Variants in TLE1 observed in about 807,000 individuals in gnomAD.
The protein encoded by TLE1 is TLE family member 1, transcriptional corepressor.
A neutral mutation model predicts 89.8 loss-of-function variants in TLE1; 21 were observed. The observed-to-expected ratio is 0.23, with a 90% confidence interval of 0.17 to 0.34. The LOEUF (loss-of-function observed/expected upper bound fraction) is 0.34. Ranked by LOEUF, TLE1 falls within the 10% of genes least tolerant of loss-of-function variation. The pLI is 1.00. For missense variants in TLE1, 795 were observed against 1,031.2 expected (o/e 0.77, Z 3.14); for synonymous variants, 447 against 407.6 (o/e 1.10, Z -1.16).
At chr9:81,676,317 G>A (rs1201734837) in intron 4 of TLE1, among the ~76,000 whole-genome samples, 1 of 152,152 alleles carries the variant, frequency 6.6e-6, no homozygotes, top group Non-Finnish European at 1.5e-5. Context: ...AACCTAGTCG[G>A]AGCAAGGAAA....
At chr9:81,626,944 C>T (rs1180921830) in intron 8 of TLE1, among the ~76,000 whole-genome samples, 2 of 152,178 alleles carry the variant, frequency 1.3e-5, no homozygotes, top group African/African-American at 2.4e-5. Flanking sequence ...GACCTAATCA[C>T]AGCAAAAACA....
chr9:81,655,404 G>A (rs370530269), intron 4 of TLE1, among the ~76,000 whole-genome samples: 23 of 152,014 alleles, frequency 1.5e-4, no homozygotes, highest in Non-Finnish European at 2.4e-4. Flanking sequence ...CCTTTGCTCC[G>A]CTCCACATCC....
intron 4 of TLE1, among the ~76,000 whole-genome samples, chr9:81,664,386 G>C (rs1831198386): frequency 6.6e-6 from 1 of 152,150 alleles, no homozygotes; most frequent in Admixed American, 6.5e-5. Flanking sequence ...TTGCCAAGAG[G>C]CCTCCTTCAG....
At chr9:81,588,317 T>G (rs1190610315) in intron 16 of TLE1, among the ~76,000 whole-genome samples, 2 of 152,164 alleles carry the variant, frequency 1.3e-5, no homozygotes, top group African/African-American at 2.4e-5. Flanking sequence ...CCTGTTTCCA[T>G]GAGTGAATCA....
At chr9:81,615,944 C>T (rs775736707) in intron 11 of TLE1, 38 bp downstream of exon 11, 5 of 1,610,334 alleles carry the variant, frequency 3.1e-6, no homozygotes, top group Non-Finnish European at 4.2e-6. Flanking sequence ...ATGAAAAATA[C>T]ACTGCCAAAC....
chr9:81,688,243 C>A lies in TLE1; in HGVS notation c.-3G>T. The A allele has an allele frequency of 6.3e-7, 1 of 1,587,384 alleles. No homozygotes were observed. The highest frequency in any genetic ancestry group is 1.1e-5 in the South Asian group (1 of 89,302). ...GGGTGCCGGCTCTGCGGGAACATCG[C>A]TCTGGCGGCGGCCGGGGCTCTGTTC... On this transcript the variant is annotated 5_prime_UTR_variant, in exon 1 of 20. Coordinates refer to ENST00000376499, the MANE Select transcript of TLE1 (RefSeq NM_005077.5).
intron 6 of TLE1, among the ~76,000 whole-genome samples, chr9:81,648,705 TTCAA>T (rs1179237850): frequency 2.6e-5 from 4 of 152,226 alleles, no homozygotes; most frequent in African/African-American, 9.6e-5. Flanking sequence ...TGAAGAGTCT[TTCAA>T]TCAATTATCC....
At chr9:81,634,330 A>G (rs1827097218) in intron 6 of TLE1, 29 bp from the exon 7 acceptor site, 1 of 1,397,106 alleles carries the variant, frequency 7.2e-7, no homozygotes, top group Admixed American at 2.5e-5. Flanking sequence ...AGAGAGAAAA[A>G]GGAGGAGGAG....
chr9:81,684,752 G>A (rs1588272432), intron 4 of TLE1, among the ~76,000 whole-genome samples: 1 of 152,300 alleles, frequency 6.6e-6, no homozygotes, highest in Non-Finnish European at 1.5e-5. Context: ...TTTTTTAAGA[G>A]GCAATCGATT....
intron 4 of TLE1, among the ~76,000 whole-genome samples, chr9:81,665,336 A>T (rs568929773): frequency 6.6e-6 from 1 of 152,218 alleles, no homozygotes; most frequent in Non-Finnish European, 1.5e-5. Flanking sequence ...TGGCTCAACT[A>T]ATCAGAACAC....
At chr9:81,653,450 C>T (rs1455301088) in intron 5 of TLE1, among the ~76,000 whole-genome samples, 1 of 152,172 alleles carries the variant, frequency 6.6e-6, no homozygotes, top group African/African-American at 2.4e-5. Flanking sequence ...AAGATTAAAC[C>T]TCTATGACTT....
rs1824481913 is a variant in TLE1 at position 81,616,152 on chromosome 9, A to G, written c.766-18T>C. On this transcript the variant is annotated intron_variant, in intron 10 of 19. Coordinates refer to ENST00000376499, the MANE Select transcript of TLE1 (RefSeq NM_005077.5). ...GAAGGGTCCTCAACAAGCATAATCA[A>G]AAGTTTTCGTGATTTAGCTTGTAAC... is the stretch of plus-strand genomic sequence containing the variant. 6.3e-7 allele frequency: 1 copy of G among 1,587,280 alleles called. No individual in the cohort carries two copies. The highest frequency in any genetic ancestry group is 1.9e-5 in the Admixed American group (1 of 52,036).
chr9:81,593,376 G>C, intron 14 of TLE1, 102 bp from the exon 15 acceptor site: 1 of 1,397,448 alleles, frequency 7.2e-7, no homozygotes, highest in African/African-American at 1.5e-5. Context: ...TGAAAAAAAG[G>C]AAAGATTCTC....
At chr9:81,688,188 C>A (rs773082077) in intron 1 of TLE1, 29 bp downstream of exon 1, 25 of 1,599,740 alleles carry the variant, frequency 1.6e-5, no homozygotes, top group Non-Finnish European at 2.1e-5. Flanking sequence ...ACGATCCTGG[C>A]CCCCCACCAC....
At chr9:81,607,935 T>TCAAA (rs1460824626) in intron 14 of TLE1, among the ~76,000 whole-genome samples, 7 of 152,198 alleles carry the variant, frequency 4.6e-5, no homozygotes, top group African/African-American at 7.2e-5. Flanking sequence ...TCATAATGAA[T>TCAAA]CAAATTATTG....
chr9:81,604,804 C>T (rs1831418551), intron 14 of TLE1, among the ~76,000 whole-genome samples: 1 of 152,136 alleles, frequency 6.6e-6, no homozygotes, highest in Non-Finnish European at 1.5e-5. Context: ...TCTCTGTGCA[C>T]GACACAGACT....
chr9:81,645,044 T>C (rs1430721769), intron 6 of TLE1, among the ~76,000 whole-genome samples: 1 of 135,298 alleles, frequency 7.4e-6, no homozygotes, highest in Non-Finnish European at 1.6e-5. Flanking sequence ...ATGGTGTATA[T>C]ATCATATCTC....
intron 4 of TLE1, among the ~76,000 whole-genome samples, chr9:81,674,637 GTAAAGTA>G (rs1268470199): frequency 5.3e-5 from 8 of 152,160 alleles, no homozygotes; most frequent in African/African-American, 1.9e-4. Flanking sequence ...CATCTTAAAG[GTAAAGTA>G]TAAGTCAAGT....
intron 4 of TLE1, among the ~76,000 whole-genome samples, chr9:81,679,576 C>T (rs1464534721): frequency 6.6e-6 from 1 of 152,018 alleles, no homozygotes; most frequent in Non-Finnish European, 1.5e-5. Flanking sequence ...AACATCACAC[C>T]GTATTCACAG....
Sources: allele counts gnomAD v4.1 joint callset (sites outside exome capture counted in the v4.1 genomes callset), GRCh38; gene constraint gnomAD v4.1.1; transcripts MANE v1.5; gene names NCBI Gene and HGNC (gene_info 2026-07-23, HGNC 2026-07-21).